NEDD4L: variants seen among roughly 807,000 people sequenced by gnomAD.
NEDD4L encodes E3 ubiquitin-protein ligase NEDD4-like.
A neutral mutation model predicts 148.9 loss-of-function variants in NEDD4L; 54 were observed. That is an observed-to-expected ratio of 0.36 (90% CI 0.29 to 0.45). The LOEUF is 0.45. NEDD4L is among the 20% of genes least tolerant of loss of function. The probability of loss-of-function intolerance (pLI) is 1.00; values close to 1 mark genes in which losing one functional copy is unlikely to be tolerated. For missense variants in NEDD4L, 856 were observed against 1,233.8 expected, an observed-to-expected ratio of 0.69 and a Z score of 4.59; for synonymous variants, 433 against 440.7, an observed-to-expected ratio of 0.98 and a Z score of 0.22.
rs763864175 is a variant in NEDD4L at position 58,341,029 on chromosome 18, C to A, written c.1126-9C>A. Reference sequence around the variant, plus strand: ...GGTATTAAATAATAATGATTTCTTGCACAAACAGCCATCAGTGGCCTATGT... The same window carrying A: ...GGTATTAAATAATAATGATTTCTTGAACAAACAGCCATCAGTGGCCTATGT... On this transcript the variant is annotated splice_polypyrimidine_tract_variant and intron_variant, in intron 13 of 30. Coordinates refer to ENST00000400345, the MANE Select transcript of NEDD4L (RefSeq NM_001144967.3). 1.2e-6 allele frequency: 2 copies of A among 1,604,588 alleles called. No individual in the cohort carries two copies. Among genetic ancestry groups the A allele is most frequent in the Admixed American group, 1.7e-5 (1 of 58,684 alleles).
intron 2 of NEDD4L, among the ~76,000 whole-genome samples, chr18:58,187,339 A>G (rs939539033): frequency 6.6e-5 from 10 of 152,182 alleles, no homozygotes; most frequent in African/African-American, 2.4e-4. Flanking sequence ...TGAACCAGGC[A>G]GGTGGGGTAC....
At chr18:58,082,819 T>C (rs2083539358) in intron 1 of NEDD4L, among the ~76,000 whole-genome samples, 1 of 151,454 alleles carries the variant, frequency 6.6e-6, no homozygotes. Context: ...TTGATAAATA[T>C]TGTACATGAT....
chr18:58,367,922 T>C, intron 22 of NEDD4L, 55 bp downstream of exon 22: 1 of 1,591,636 alleles, frequency 6.3e-7, no homozygotes, highest in South Asian at 1.1e-5. Flanking sequence ...TGCTAGTAGG[T>C]GTCTTATCTT....
intron 2 of NEDD4L, among the ~76,000 whole-genome samples, chr18:58,241,675 C>T (rs1218372381): frequency 1.3e-5 from 2 of 152,116 alleles, no homozygotes; most frequent in African/African-American, 4.8e-5. Context: ...CACTCTGTCA[C>T]AATCATGTTT....
At chr18:58,237,411 T>C (rs903509982) in intron 2 of NEDD4L, among the ~76,000 whole-genome samples, 8 of 152,236 alleles carry the variant, frequency 5.3e-5, no homozygotes, top group African/African-American at 9.6e-5. Flanking sequence ...AGAGCTGTTT[T>C]CTTAACCTCT....
At chr18:58,282,611 A>T (rs1481422275) in intron 5 of NEDD4L, among the ~76,000 whole-genome samples, 1 of 152,212 alleles carries the variant, frequency 6.6e-6, no homozygotes, top group African/African-American at 2.4e-5. Flanking sequence ...TGATCTACAT[A>T]GCTTCTCTTG....
chr18:58,380,269 G>A (rs1460564630), intron 24 of NEDD4L, among the ~76,000 whole-genome samples: 3 of 149,452 alleles, frequency 2.0e-5, no homozygotes, highest in African/African-American at 7.4e-5. Flanking sequence ...AAGTGGAATT[G>A]TACTCTGCAT....
chr18:58,196,930 A>AG (rs1308912292), intron 2 of NEDD4L, among the ~76,000 whole-genome samples: 2 of 152,094 alleles, frequency 1.3e-5, no homozygotes, highest in African/African-American at 2.4e-5. Flanking sequence ...GAGGGGGAAG[A>AG]GGAGATGGTG....
intron 4 of NEDD4L, 49 bp downstream of exon 4, chr18:58,248,986 G>A (rs747735654): frequency 1.2e-5 from 10 of 852,414 alleles, no homozygotes; most frequent in East Asian, 2.8e-5. Flanking sequence ...CGTCTAGGTC[G>A]ATTATCACAG....
At chr18:58,130,367 C>T (rs74322029) in intron 1 of NEDD4L, among the ~76,000 whole-genome samples, 56 of 116,232 alleles carry the variant, frequency 4.8e-4, no homozygotes, top group African/African-American at 1.4e-3. Context: ...TGTGATCTAG[C>T]GGAACTGTGG....
At chr18:58,232,450 G>C (rs182615575) in intron 2 of NEDD4L, among the ~76,000 whole-genome samples, 1 of 152,318 alleles carries the variant, frequency 6.6e-6, no homozygotes, top group East Asian at 1.9e-4. Flanking sequence ...AGTTCACGCT[G>C]GTGGGCCAGC....
chr18:58,357,579 C>T, intron 19 of NEDD4L: 1 of 491,594 alleles, frequency 2.0e-6, no homozygotes, highest in Non-Finnish European at 3.9e-6. Flanking sequence ...AAACCAAGCC[C>T]TATCTTCATA....
At chr18:58,230,483 T>A (rs2045032171) in intron 2 of NEDD4L, among the ~76,000 whole-genome samples, 1 of 151,978 alleles carries the variant, frequency 6.6e-6, no homozygotes, top group African/African-American at 2.4e-5. Context: ...CAAGACACTA[T>A]GTGAAATGAC....
In NEDD4L at chr18:58,256,907, GC is replaced by G. The variant is rs1008123104; in HGVS notation, c.297+4855del. 30 of 807,910 alleles carry G rather than the reference GC, an allele frequency of 3.7e-5. No individual in the cohort carries two copies. In the African/African-American group the frequency reaches 4.8e-4, roughly 13 times the overall value. The allele number at this position is 807,910 out of a possible 1,614,324, so 50.0% of individuals were successfully genotyped here. A position where few individuals can be genotyped will look rare whatever the true frequency, so the allele number is the denominator to read the frequency against. On this transcript the variant is annotated intron_variant, in intron 5 of 30. Coordinates refer to ENST00000400345, the MANE Select transcript of NEDD4L (RefSeq NM_001144967.3). The surrounding 1 kb of genome is among the most constrained non-coding windows in gnomAD (Gnocchi z 5.2). ...TCAGGCCAGTGGATCTGAATGTTTG[GC>G]CGAGTTCTGGCACGATGATTTGTGG...
chr18:58,382,670 G>T (rs910166072), intron 24 of NEDD4L, among the ~76,000 whole-genome samples: 1 of 152,162 alleles, frequency 6.6e-6, no homozygotes, highest in East Asian at 1.9e-4. Flanking sequence ...CATGATCATG[G>T]GTGGTGCTAA....
chr18:58,201,138 C>T lies in NEDD4L; in HGVS notation c.122+35277C>T, dbSNP rs186376304. Reference sequence around the variant, plus strand: ...ACTTGAGGTCAGGAGTTCGAGGCCACCCTGGCCAACGTGGTGAAACCCCAT... The same window carrying T: ...ACTTGAGGTCAGGAGTTCGAGGCCATCCTGGCCAACGTGGTGAAACCCCAT... On this transcript the variant is annotated intron_variant, in intron 2 of 30. Transcript: ENST00000400345. 1.7e-4 allele frequency among the ~76,000 whole-genome samples: 26 copies of T among 152,192 alleles called. No homozygotes were observed. The East Asian group carries it at 4.8e-3, about 28-fold the overall frequency.
chr18:58,254,790 A>G (rs1443534455), intron 5 of NEDD4L, among the ~76,000 whole-genome samples: 1 of 152,226 alleles, frequency 6.6e-6, no homozygotes, highest in Non-Finnish European at 1.5e-5. Flanking sequence ...CTGTGATAGC[A>G]GGAGGGCTCT....
chr18:58,058,419 A>T (rs1218482644), intron 1 of NEDD4L, among the ~76,000 whole-genome samples: 1 of 152,224 alleles, frequency 6.6e-6, no homozygotes, highest in Non-Finnish European at 1.5e-5. Flanking sequence ...CTGTCTAGCC[A>T]TGGAACTCTT....
At chr18:58,111,997 A>G (rs546709025) in intron 1 of NEDD4L, among the ~76,000 whole-genome samples, 1 of 152,218 alleles carries the variant, frequency 6.6e-6, no homozygotes, top group East Asian at 1.9e-4. Context: ...CTGTTGTTTT[A>G]TGTCATTTAA....
Sources: allele counts gnomAD v4.1 joint callset (sites outside exome capture counted in the v4.1 genomes callset), GRCh38; gene constraint gnomAD v4.1.1; non-coding constraint Gnocchi (gnomAD v3.1); transcripts MANE v1.5; gene names NCBI Gene and HGNC (gene_info 2026-07-23, HGNC 2026-07-21).